The following GRIP1 variants were observed in gnomAD, a reference collection of about 807,000 sequenced individuals.
GRIP1 encodes glutamate receptor-interacting protein 1.
Under a neutral mutation model 129.9 loss-of-function variants are expected in GRIP1, and 45 were observed. The ratio of observed to expected loss-of-function variants is 0.35; its 90% CI spans 0.27 to 0.44. The LOEUF is 0.44. Among genes scored for constraint, GRIP1 ranks in the 20% least tolerant of loss-of-function variants. The pLI, the probability that GRIP1 is intolerant of heterozygous loss-of-function variation, is 1.00. For missense variants in GRIP1, 1,196 were observed against 1,396.8 expected (o/e 0.86, Z 2.29); for synonymous variants, 530 against 520.8 (o/e 1.02, Z -0.24).
chr12:67,034,487 A>G (rs1276839301), intron 1 of GRIP1, among the ~76,000 whole-genome samples: 1 of 152,214 alleles, frequency 6.6e-6, no homozygotes, highest in Non-Finnish European at 1.5e-5. Flanking sequence ...CCATAACATA[A>G]TGCTAAGTAT....
At chr12:66,603,262 C>T (rs2064363346) in intron 1 of GRIP1, among the ~76,000 whole-genome samples, 1 of 151,682 alleles carries the variant, frequency 6.6e-6, no homozygotes, top group African/African-American at 2.4e-5. Context: ...GATAGAATGT[C>T]TTCTAATTAA....
At chr12:66,486,484 T>C (rs954359840) in intron 7 of GRIP1, among the ~76,000 whole-genome samples, 5 of 152,162 alleles carry the variant, frequency 3.3e-5, no homozygotes, top group Admixed American at 6.5e-5. Context: ...TGGGAGATAA[T>C]TGAATCATGG....
Position 66,885,529 on chromosome 12 carries a change from C to T in GRIP1, c.58+183521G>A, listed in dbSNP as rs117441487. On this transcript the variant is annotated intron_variant, in intron 1 of 1. Coordinates refer to the GRIP1 transcript ENST00000643019. The stretch of plus-strand genomic sequence containing the variant: ...AAATTCAGCACCAGGAAAAAGCCAA[C>T]GTGATGGTGAAGTCAGCAGAGACAG... Among the ~76,000 whole-genome samples, 454 of 152,286 alleles carry T rather than the reference C, an allele frequency of 3.0e-3. 5 individuals are homozygous for T. The highest frequency in any genetic ancestry group is 4.3e-3 in the Non-Finnish European group (290 of 68,028).
At chr12:66,522,671 C>T (rs140429437) in intron 5 of GRIP1, among the ~76,000 whole-genome samples, 2,697 of 152,296 alleles carry the variant, frequency 0.018, 73 homozygotes, top group African/African-American at 0.059. Context: ...AGCAATGGAA[C>T]AGAGCTGGAT....
At chr12:66,557,509 C>T (rs2062376021) in intron 2 of GRIP1, among the ~76,000 whole-genome samples, 1 of 152,144 alleles carries the variant, frequency 6.6e-6, no homozygotes, top group African/African-American at 2.4e-5. Flanking sequence ...TCAACAGTTG[C>T]AGCATACACA....
intron 1 of GRIP1, among the ~76,000 whole-genome samples, chr12:66,636,793 G>A (rs2031439683): frequency 1.3e-5 from 2 of 151,846 alleles, no homozygotes; most frequent in African/African-American, 4.8e-5. Flanking sequence ...AGGACATGAA[G>A]AGAAGGTGGC....
chr12:66,964,815 C>T (rs1226419111), intron 1 of GRIP1, among the ~76,000 whole-genome samples: 1 of 152,080 alleles, frequency 6.6e-6, no homozygotes, highest in Non-Finnish European at 1.5e-5. Context: ...AGCCTAAGAT[C>T]AAGGGATTGG....
intron 1 of GRIP1, among the ~76,000 whole-genome samples, chr12:66,612,825 C>T (rs962220800): frequency 1.3e-5 from 2 of 152,060 alleles, no homozygotes; most frequent in African/African-American, 4.8e-5. Context: ...ATTCCATGGA[C>T]CCCTAGGGAA....
chr12:66,942,144 A>G (rs750117376), intron 1 of GRIP1, among the ~76,000 whole-genome samples: 2 of 152,222 alleles, frequency 1.3e-5, no homozygotes, highest in Non-Finnish European at 2.9e-5. Context: ...TTATTTTCTG[A>G]TAAGATAAAT....
intron 2 of GRIP1, among the ~76,000 whole-genome samples, chr12:66,584,313 C>T (rs34828630): frequency 0.2 from 29,838 of 149,730 alleles, 3,064 homozygotes; most frequent in Admixed American, 0.25. Flanking sequence ...TGCTAGATGA[C>T]GAGTTAGTGG....
intron 1 of GRIP1, among the ~76,000 whole-genome samples, chr12:66,641,786 C>T (rs950411830): frequency 2.6e-5 from 4 of 152,130 alleles, no homozygotes; most frequent in African/African-American, 9.7e-5. Flanking sequence ...CTTGGCCATG[C>T]CTTATAAGGA....
chr12:66,515,730 T>C lies in GRIP1; in HGVS notation c.613A>G (p.Ser205Gly). The change falls in exon 7 of 25, where the codon AGT (serine) becomes GGT (glycine). Residue 205 changes from serine (S) to glycine (G), a missense_variant. Coordinates refer to ENST00000359742, the MANE Select transcript of GRIP1 (RefSeq NM_001366722.1). Reference sequence around the variant, plus strand: ...CCAAGAAGCCGAATTCCATCCACACTGAGCAACCTGTCACCGGGTTTGATC... The same window carrying C: ...CCAAGAAGCCGAATTCCATCCACACCGAGCAACCTGTCACCGGGTTTGATC... The part of the protein sequence containing the change: ...GTIKPGDRLL[S>G]VDGIRLLGTT... 1 of 1,613,718 alleles carries C rather than the reference T, an allele frequency of 6.2e-7. No homozygotes were observed. Among genetic ancestry groups the C allele is most frequent in the Non-Finnish European group, 8.5e-7 (1 of 1,179,652 alleles).
chr12:66,507,497 G>A (rs77876747), intron 7 of GRIP1, among the ~76,000 whole-genome samples: 2,009 of 151,534 alleles, frequency 0.013, 41 homozygotes, highest in East Asian at 0.1. Flanking sequence ...TTACTCTTGC[G>A]ACTGGTAGAA....
intron 1 of GRIP1, among the ~76,000 whole-genome samples, chr12:67,068,262 CAA>C (rs2043665114): frequency 6.6e-6 from 1 of 152,158 alleles, no homozygotes; most frequent in African/African-American, 2.4e-5. Context: ...TACTTAAAAG[CAA>C]AGTGTCCAGC....
At chr12:66,785,363 T>TATATATATATATG (rs5798837) in intron 1 of GRIP1, among the ~76,000 whole-genome samples, 2 of 141,678 alleles carry the variant, frequency 1.4e-5, no homozygotes, top group Non-Finnish European at 3.1e-5. Context: ...TATATATATA[T>TATATATATATATG]TAGTTGGGCA....
intron 1 of GRIP1, among the ~76,000 whole-genome samples, chr12:66,827,894 G>A (rs969253351): frequency 1.4e-4 from 22 of 152,130 alleles, no homozygotes; most frequent in Admixed American, 9.2e-4. Context: ...GGCCACTACC[G>A]AATAAGTGTG....
intron 2 of GRIP1, among the ~76,000 whole-genome samples, chr12:66,587,696 T>C (rs2063693063): frequency 6.6e-6 from 1 of 152,184 alleles, no homozygotes; most frequent in Non-Finnish European, 1.5e-5. Context: ...TTAGTTATAA[T>C]GGATGTAGCG....
Position 66,348,237 on chromosome 12 carries a change from C to CTT in GRIP1, c.*780_*781dup, listed in dbSNP as rs2054063883. ...AATAGACTCTTCATTCTCTGAAGTT[C>CTT]TTAGTCTTGAATTTTAAAAATAAGA... is the stretch of plus-strand genomic sequence containing the variant. On this transcript the variant is annotated 3_prime_UTR_variant, in exon 25 of 25. Transcript: ENST00000359742. 6.6e-6 allele frequency: 1 copy of CTT among 151,970 alleles called. No homozygotes were observed. Among genetic ancestry groups the CTT allele is most frequent in the African/African-American group, 2.4e-5 (1 of 41,368 alleles). The allele number at this position is 151,970 out of a possible 1,614,324, so 9.4% of individuals were successfully genotyped here.
At chr12:66,984,455 G>A (rs921658472) in intron 1 of GRIP1, among the ~76,000 whole-genome samples, 15 of 152,152 alleles carry the variant, frequency 9.9e-5, no homozygotes, top group African/African-American at 3.4e-4. Context: ...GAGGCATAAC[G>A]ATGCTGAAGT....
Sources: gnomAD v4.1 joint callset for allele counts (sites outside exome capture counted in the v4.1 genomes callset) on GRCh38, gnomAD v4.1.1 for gene constraint, MANE v1.5 for transcripts, NCBI Gene and HGNC (gene_info 2026-07-23, HGNC 2026-07-21) for gene names.